The following CNTN5 variants were observed in gnomAD, a reference collection of about 807,000 sequenced individuals.
CNTN5 encodes contactin-5.
A neutral mutation model predicts 129.1 loss-of-function variants in CNTN5; 77 were observed. The ratio of observed to expected loss-of-function variants is 0.60; its 90% CI spans 0.50 to 0.72. The LOEUF (loss-of-function observed/expected upper bound fraction) is 0.72, where lower values mean the gene tolerates loss of function less well. CNTN5 is among the 30% of genes least tolerant of loss of function. CNTN5 has a pLI of 0.00. For missense variants in CNTN5, 1,478 were observed against 1,328.8 expected (o/e 1.11, Z -1.75); for synonymous variants, 509 against 465.6 (o/e 1.09, Z -1.20).
chr11:99,467,217 G>T (rs1367521770), intron 2 of CNTN5, among the ~76,000 whole-genome samples: 2 of 151,960 alleles, frequency 1.3e-5, no homozygotes, highest in Admixed American at 1.3e-4. Flanking sequence ...ATATCCAAAT[G>T]ATTTTTGTTC....
chr11:99,692,419 T>C (rs1188255163), intron 3 of CNTN5, among the ~76,000 whole-genome samples: 1 of 152,164 alleles, frequency 6.6e-6, no homozygotes, highest in Non-Finnish European at 1.5e-5. Flanking sequence ...GGAGCACTTG[T>C]AACACCGGTC....
chr11:99,323,220 A>G (rs1865640903), intron 1 of CNTN5, among the ~76,000 whole-genome samples: 2 of 152,150 alleles, frequency 1.3e-5, no homozygotes, highest in South Asian at 4.1e-4. Flanking sequence ...GAAATGCTAA[A>G]TAAGTGTTTA....
At chr11:99,915,909 A>G in intron 6 of CNTN5, 145 bp from the exon 7 acceptor site, 1 of 614,658 alleles carries the variant, frequency 1.6e-6, no homozygotes. Context: ...GATGATGTAG[A>G]TATATGTTAA....
intron 7 of CNTN5, among the ~76,000 whole-genome samples, chr11:99,926,704 G>T (rs568812994): frequency 5.9e-5 from 9 of 152,016 alleles, no homozygotes; most frequent in Non-Finnish European, 1.3e-4. Context: ...AATATTTAAG[G>T]ATTTCCACAA....
chr11:100,350,623 G>C (rs1419006574), intron 23 of CNTN5, 79 bp from the exon 24 acceptor site: 3 of 1,058,866 alleles, frequency 2.8e-6, no homozygotes, highest in Non-Finnish European at 4.1e-6. Flanking sequence ...GCTTATCTCA[G>C]AATGTGACAC....
intron 1 of CNTN5, among the ~76,000 whole-genome samples, chr11:99,203,926 A>G (rs1232735039): frequency 2.0e-5 from 3 of 152,158 alleles, no homozygotes; most frequent in Non-Finnish European, 2.9e-5. Flanking sequence ...GGCAAGTGCC[A>G]TTCCATCTAT....
chr11:99,526,813 T>C (rs1947505469), intron 2 of CNTN5, among the ~76,000 whole-genome samples: 1 of 152,236 alleles, frequency 6.6e-6, no homozygotes, highest in Non-Finnish European at 1.5e-5. Flanking sequence ...TTGATGTTAT[T>C]TGAGTCCACA....
chr11:99,103,872 G>T (rs1337054811), intron 1 of CNTN5, among the ~76,000 whole-genome samples: 1 of 152,034 alleles, frequency 6.6e-6, no homozygotes, highest in Non-Finnish European at 1.5e-5. Context: ...AAAAATGCAT[G>T]AAGCCACCAG....
At position 99,906,360 on chromosome 11, in the gene CNTN5, A is replaced by T. The variant is rs117000268; in HGVS notation, c.578-9694A>T. On this transcript the variant is annotated intron_variant, in intron 6 of 24. Transcript: ENST00000524871. ...TTTAGCATGAAGGGGTGGGGTGTTG[A>T]ATTTTGTTGAAGGTCGTTTTTGCAT... Among the ~76,000 whole-genome samples the T allele has an allele frequency of 6.9e-3, 1,045 of 152,188 alleles. 8 individuals carry two copies. Among genetic ancestry groups the T allele is most frequent in the Middle Eastern group, 0.01 (3 of 294 alleles).
chr11:99,325,934 G>C (rs1247664488), intron 2 of CNTN5, among the ~76,000 whole-genome samples: 2 of 152,158 alleles, frequency 1.3e-5, no homozygotes, highest in South Asian at 4.1e-4. Context: ...AGTTAAATAA[G>C]CAGGAAGTCA....
chr11:99,717,470 TAAAA>T (rs1158511224), intron 3 of CNTN5, among the ~76,000 whole-genome samples: 1 of 152,030 alleles, frequency 6.6e-6, no homozygotes, highest in African/African-American at 2.4e-5. Flanking sequence ...TAAAAAAAGA[TAAAA>T]AATAAGAGTA....
intron 9 of CNTN5, among the ~76,000 whole-genome samples, chr11:100,025,101 C>G (rs1366431643): frequency 6.6e-6 from 1 of 152,152 alleles, no homozygotes; most frequent in African/African-American, 2.4e-5. Context: ...GCCTGGAGGC[C>G]TTGGAGGAGG....
intron 2 of CNTN5, among the ~76,000 whole-genome samples, chr11:99,349,713 A>C (rs1938157290): frequency 6.6e-6 from 1 of 152,188 alleles, no homozygotes; most frequent in Non-Finnish European, 1.5e-5. Context: ...AATAAAATTA[A>C]CTGGAAAACT....
intron 1 of CNTN5, among the ~76,000 whole-genome samples, chr11:99,320,374 T>C (rs561543758): frequency 6.6e-6 from 1 of 152,162 alleles, no homozygotes; most frequent in Non-Finnish European, 1.5e-5. Flanking sequence ...GAAGGGACAA[T>C]GAAAGGAAGC....
intron 8 of CNTN5, among the ~76,000 whole-genome samples, chr11:99,984,868 G>A (rs1350589302): frequency 6.6e-6 from 1 of 152,146 alleles, no homozygotes; most frequent in East Asian, 1.9e-4. Context: ...TGTCAGACTT[G>A]CAACAGGGGC....
chr11:99,613,387 C>T (rs1027839592), intron 3 of CNTN5, among the ~76,000 whole-genome samples: 18 of 152,106 alleles, frequency 1.2e-4, no homozygotes, highest in Non-Finnish European at 2.4e-4. Flanking sequence ...TTTCGCCTTC[C>T]GCCATGTTTG....
chr11:100,089,104 T>A (rs1378827081), intron 13 of CNTN5, among the ~76,000 whole-genome samples: 2 of 152,160 alleles, frequency 1.3e-5, no homozygotes, highest in Non-Finnish European at 2.9e-5. Flanking sequence ...ATGTGATTCA[T>A]ATGTTTGTTG....
intron 6 of CNTN5, among the ~76,000 whole-genome samples, chr11:99,860,265 C>T (rs928797055): frequency 2.6e-5 from 4 of 151,984 alleles, no homozygotes; most frequent in Non-Finnish European, 5.9e-5. Flanking sequence ...AGGTTTTCTA[C>T]TCTTTTGACA....
intron 8 of CNTN5, 132 bp downstream of exon 8, chr11:99,957,141 T>C: frequency 1.3e-6 from 1 of 768,966 alleles, no homozygotes; most frequent in Non-Finnish European, 2.0e-6. Flanking sequence ...ATTTAGACAC[T>C]ACATTTTTAG....
Sources: gnomAD v4.1 joint callset for allele counts (sites outside exome capture counted in the v4.1 genomes callset) on GRCh38, gnomAD v4.1.1 for gene constraint, MANE v1.5 for transcripts, NCBI Gene and HGNC (gene_info 2026-07-23, HGNC 2026-07-21) for gene names.